LRBA: variants seen among roughly 807,000 people sequenced by gnomAD.
LRBA encodes the protein LPS responsive beige-like anchor protein, also known as lipopolysaccharide-responsive and beige-like anchor protein.
Under a neutral mutation model 330.0 loss-of-function variants are expected in LRBA, and 176 were observed. That is an observed-to-expected ratio of 0.53 (90% CI 0.47 to 0.60). The LOEUF (loss-of-function observed/expected upper bound fraction) is 0.60, where lower values mean the gene tolerates loss of function less well. LRBA is among the 20% of genes least tolerant of loss of function. The probability of loss-of-function intolerance (pLI) is 0.00; values close to 1 mark genes in which losing one functional copy is unlikely to be tolerated. For synonymous variants in LRBA, 1,230 were observed against 1,193.0 expected, an observed-to-expected ratio of 1.03 and a Z score of -0.64; for missense variants, 3,259 against 3,444.8, an observed-to-expected ratio of 0.95 and a Z score of 1.35.
chr4:150,500,607 C>A (rs182725421), intron 40 of LRBA, among the ~76,000 whole-genome samples: 8 of 152,142 alleles, frequency 5.3e-5, no homozygotes, highest in Non-Finnish European at 1.0e-4. Flanking sequence ...AATAATCCCC[C>A]CTCTCCCAGA....
At chr4:150,892,069 G>A (rs922165387) in intron 17 of LRBA, among the ~76,000 whole-genome samples, 1 of 152,150 alleles carries the variant, frequency 6.6e-6, no homozygotes, top group Non-Finnish European at 1.5e-5. Context: ...TCCAGTCTGG[G>A]TGACAGAGTG....
intron 56 of LRBA, among the ~76,000 whole-genome samples, chr4:150,272,038 G>T (rs1264915559): frequency 1.3e-5 from 2 of 152,274 alleles, no homozygotes; most frequent in Middle Eastern, 6.8e-3. Flanking sequence ...CCTCAAGTGG[G>T]TCCTCAACCC....
rs1468911532 is a variant in LRBA, at chr4:150,915,725, C to T, written c.897G>A (p.Trp299Ter). ...CVKFDFKPQK[W>*]YMVTIVHIYN... ...AGATGTGTACTATGGTAACCATATA[C>T]CACTGCAGAAGCAAAAAACAGTTAA... Residue 299 changes from tryptophan to a stop codon, truncating the protein, a stop_gained and splice_region_variant, in exon 8 of 57, where the codon TGG (tryptophan) becomes TGA (stop). Transcript: ENST00000651943. LOFTEE classifies it high-confidence loss of function. 5.7e-6 allele frequency: 9 copies of T among 1,591,042 alleles called. No individual in the cohort carries two copies. Among genetic ancestry groups the T allele is most frequent in the Non-Finnish European group, 7.7e-6 (9 of 1,171,804 alleles).
At chr4:150,316,377 T>A (rs2126903341) in intron 50 of LRBA, among the ~76,000 whole-genome samples, 1 of 152,182 alleles carries the variant, frequency 6.6e-6, no homozygotes, top group South Asian at 2.1e-4. Flanking sequence ...TGAAGAGAGG[T>A]TTTGCAGGCT....
intron 43 of LRBA, among the ~76,000 whole-genome samples, chr4:150,468,273 TC>T (rs1755677387): frequency 1.3e-5 from 2 of 152,006 alleles, no homozygotes; most frequent in Admixed American, 6.6e-5. Flanking sequence ...CATTCACCAG[TC>T]ATCTATAAAA....
intron 30 of LRBA, among the ~76,000 whole-genome samples, chr4:150,818,639 T>A (rs1744972461): frequency 2.6e-5 from 4 of 151,958 alleles, no homozygotes. Context: ...TTTTTGTATT[T>A]CCTACTGGAG....
intron 53 of LRBA, among the ~76,000 whole-genome samples, chr4:150,288,497 G>A (rs536622280): frequency 6.6e-6 from 1 of 152,196 alleles, no homozygotes; most frequent in East Asian, 2.0e-4. Context: ...TAACAGGTAG[G>A]AGAATTGCTT....
chr4:150,307,205 T>A (rs762815910), intron 52 of LRBA, among the ~76,000 whole-genome samples: 6 of 152,044 alleles, frequency 3.9e-5, no homozygotes, highest in Non-Finnish European at 7.4e-5. Flanking sequence ...TCCATTTATA[T>A]GACATTCTGA....
chr4:150,370,216 A>G (rs937398624), intron 47 of LRBA, among the ~76,000 whole-genome samples: 1 of 152,204 alleles, frequency 6.6e-6, no homozygotes, highest in African/African-American at 2.4e-5. Flanking sequence ...ATTTATGCTC[A>G]CACAAAATCC....
intron 56 of LRBA, among the ~76,000 whole-genome samples, chr4:150,270,130 G>A (rs1043059393): frequency 6.6e-6 from 1 of 152,126 alleles, no homozygotes; most frequent in Non-Finnish European, 1.5e-5. Context: ...ATGTAAAATG[G>A]TACAGCCACT....
rs577636936 is a variant in LRBA at position 150,978,142 on chromosome 4, T to G, written c.216+36285A>C. Among the ~76,000 whole-genome samples the G allele has an allele frequency of 5.3e-5, 8 of 152,312 alleles. No individual in the cohort carries two copies. The East Asian group carries it at 1.4e-3, about 26-fold the overall frequency. ...CACAGTCCCAATGGTGGTGGCCACATAGGTGCTTGTGTCTCCCTACACCCA... is the reference window on the plus strand; with the variant it reads ...CACAGTCCCAATGGTGGTGGCCACAGAGGTGCTTGTGTCTCCCTACACCCA... On this transcript the variant is annotated intron_variant, in intron 2 of 56. Transcript: ENST00000651943.
At chr4:150,533,711 G>A (rs1017447594) in intron 40 of LRBA, among the ~76,000 whole-genome samples, 2 of 152,146 alleles carry the variant, frequency 1.3e-5, no homozygotes, top group African/African-American at 4.8e-5. Flanking sequence ...GGACGCTGCA[G>A]GATGAAAGCA....
chr4:150,272,735 T>A (rs1242931556), intron 56 of LRBA, among the ~76,000 whole-genome samples: 1 of 151,034 alleles, frequency 6.6e-6, no homozygotes, highest in Admixed American at 6.6e-5. Context: ...ATCAACTTAA[T>A]GAAATAAAGA....
At chr4:150,282,331 T>C in intron 55 of LRBA, 119 bp downstream of exon 55, 1 of 838,364 alleles carries the variant, frequency 1.2e-6, no homozygotes, top group Non-Finnish European at 1.9e-6. Context: ...TTTGTTGGTA[T>C]GGAAAAGAGG....
At chr4:150,987,190 A>G (rs952229458) in intron 2 of LRBA, among the ~76,000 whole-genome samples, 23 of 152,188 alleles carry the variant, frequency 1.5e-4, no homozygotes, top group African/African-American at 5.3e-4. Context: ...CAATGATTAA[A>G]AGCTCCCAGG....
chr4:150,450,571 C>T (rs1753221506), intron 44 of LRBA, among the ~76,000 whole-genome samples: 1 of 152,176 alleles, frequency 6.6e-6, no homozygotes, highest in African/African-American at 2.4e-5. Context: ...GATTTGGGCC[C>T]ACCCTAATGA....
At chr4:150,814,480 C>T (rs1272072140) in intron 31 of LRBA, among the ~76,000 whole-genome samples, 1 of 151,712 alleles carries the variant, frequency 6.6e-6, no homozygotes, top group Non-Finnish European at 1.5e-5. Context: ...AAAATAGAAG[C>T]AATACACTGA....
intron 47 of LRBA, among the ~76,000 whole-genome samples, chr4:150,400,758 T>G (rs1246647389): frequency 6.6e-6 from 1 of 152,092 alleles, no homozygotes; most frequent in East Asian, 1.9e-4. Context: ...GAAGCTCACT[T>G]GACTCCAGGA....
chr4:150,465,616 T>A (rs1755346567), intron 44 of LRBA, among the ~76,000 whole-genome samples: 1 of 152,158 alleles, frequency 6.6e-6, no homozygotes, highest in African/African-American at 2.4e-5. Context: ...TAATTAGTGA[T>A]GTTCATTTTC....
Sources: allele counts gnomAD v4.1 joint callset (sites outside exome capture counted in the v4.1 genomes callset), GRCh38; gene constraint gnomAD v4.1.1; transcripts MANE v1.5; gene names NCBI Gene and HGNC (gene_info 2026-07-23, HGNC 2026-07-21).